EEF2KMT: variants seen among roughly 807,000 people sequenced by gnomAD.
EEF2KMT encodes eukaryotic elongation factor 2 lysine methyltransferase, also known as protein-lysine N-methyltransferase EEF2KMT.
EEF2KMT carries 30 observed loss-of-function variants against 35.1 expected under a neutral mutation model. The ratio of observed to expected loss-of-function variants is 0.85; its 90% CI spans 0.64 to 1.16. The LOEUF is 1.16. Among genes scored for constraint, EEF2KMT ranks in the 50% most tolerant of loss-of-function variants. The pLI is 0.00. For missense variants in EEF2KMT, 499 were observed against 438.2 expected (o/e 1.14, Z -1.24); for synonymous variants, 190 against 187.7 (o/e 1.01, Z -0.10).
chr16:5,089,311 G>A, intron 6 of EEF2KMT, 55 bp from the exon 7 acceptor site: 1 of 1,594,566 alleles, frequency 6.3e-7, no homozygotes, highest in Admixed American at 1.7e-5. Context: ...TCCAGGTCAT[G>A]CTGACGTCAG....
chr16:5,085,558 C>T lies in EEF2KMT; in HGVS notation c.*74G>A, dbSNP rs565122912. On this transcript the variant is annotated 3_prime_UTR_variant, in exon 8 of 8. Coordinates refer to ENST00000427587, the MANE Select transcript of EEF2KMT (RefSeq NM_201400.4). The stretch of plus-strand genomic sequence containing the variant: ...ATTCCAGTCCAATGAAAGTTTTATC[C>T]GCTTTCCCATATAAAAATTCTTCCC... 3.6e-5 allele frequency: 40 copies of T among 1,123,052 alleles called. No individual in the cohort carries two copies. The highest frequency in any genetic ancestry group is 2.8e-4 in the East Asian group (12 of 42,434). 69.6% of individuals were successfully genotyped at this position (1,123,052 alleles called of 1,614,324 possible).
chr16:5,085,861 G>C, intron 7 of EEF2KMT, 129 bp from the exon 8 acceptor site: 1 of 762,588 alleles, frequency 1.3e-6, no homozygotes, highest in Non-Finnish European at 2.4e-6. Context: ...TGGTTCACAG[G>C]TTCCCAGGCC....
chr16:5,084,758 C>G lies in EEF2KMT; in HGVS notation c.*874G>C, dbSNP rs1957089844. 1 of 1,596,452 alleles carries G rather than the reference C, an allele frequency of 6.3e-7. No individual in the cohort carries two copies. Among genetic ancestry groups the G allele is most frequent in the Non-Finnish European group, 8.5e-7 (1 of 1,179,780 alleles). On this transcript the variant is annotated 3_prime_UTR_variant, in exon 8 of 8. Coordinates refer to ENST00000427587, the MANE Select transcript of EEF2KMT (RefSeq NM_201400.4). ...TCTTTATTTTTTTGCAGATGCTTTTCTCAAACTTTCCTGATCCTGCGGGCA... is the reference window on the plus strand; with the variant it reads ...TCTTTATTTTTTTGCAGATGCTTTTGTCAAACTTTCCTGATCCTGCGGGCA...
chr16:5,093,014 G>T (rs1212590820), intron 3 of EEF2KMT, among the ~76,000 whole-genome samples: 1 of 152,226 alleles, frequency 6.6e-6, no homozygotes, highest in Non-Finnish European at 1.5e-5. Flanking sequence ...AGTCAGGAAA[G>T]AGCTCATTCC....
chr16:5,085,120 G>T lies in EEF2KMT; in HGVS notation c.*512C>A. On this transcript the variant is annotated 3_prime_UTR_variant, in exon 8 of 8. Coordinates refer to ENST00000427587, the MANE Select transcript of EEF2KMT (RefSeq NM_201400.4). ...TCTTCTTCTGTTCTTCACGCCCCAT[G>T]CCCCTGCTAGCGTATTACTGTTCTG... 2 of 689,624 alleles carry T rather than the reference G, an allele frequency of 2.9e-6. No homozygotes were observed. Among genetic ancestry groups the T allele is most frequent in the Non-Finnish European group, 4.8e-6 (2 of 416,338 alleles). 42.7% of individuals were successfully genotyped at this position (689,624 alleles called of 1,614,324 possible).
rs760548419 is a variant in EEF2KMT at position 5,095,469 on chromosome 16, G to A, written c.142C>T (p.Arg48Trp). The change falls in exon 2 of 8, where the codon CGG becomes TGG. Residue 48 changes from arginine to tryptophan, a missense_variant. Physicochemically the swap from Arg to Trp is moderately radical, Grantham distance 101. Coordinates refer to ENST00000427587, the MANE Select transcript of EEF2KMT (RefSeq NM_201400.4). Reference sequence around the variant, plus strand: ...ATTCTTACCTTGTGCAAAATATCCCGCAGCAGCTCAGAATCTGATGAGTCT... The same window carrying A: ...ATTCTTACCTTGTGCAAAATATCCCACAGCAGCTCAGAATCTGATGAGTCT... ...LRDSSDSELLRDILHKTVKHP... is the reference protein window; with the variant it reads ...LRDSSDSELLWDILHKTVKHP... The A allele has an allele frequency of 4.3e-6, 7 of 1,611,724 alleles. No homozygotes were observed. Among genetic ancestry groups the A allele is most frequent in the South Asian group, 1.1e-5 (1 of 90,990 alleles).
At chr16:5,088,987 C>G (rs1343815116) in intron 7 of EEF2KMT, 120 bp downstream of exon 7, 1 of 1,592,126 alleles carries the variant, frequency 6.3e-7, no homozygotes, top group African/African-American at 1.3e-5. Flanking sequence ...GAGTTCCCCC[C>G]ATGGTGTGGG....
chr16:5,093,176 G>A (rs1316585482), intron 3 of EEF2KMT, among the ~76,000 whole-genome samples: 1 of 152,250 alleles, frequency 6.6e-6, no homozygotes, highest in Non-Finnish European at 1.5e-5. Context: ...GGGTGCGGGT[G>A]AGGGTTCCAG....
chr16:5,091,939 CTG>C, intron 3 of EEF2KMT, 44 bp from the exon 4 acceptor site: 2 of 1,609,262 alleles, frequency 1.2e-6, no homozygotes, highest in Non-Finnish European at 8.5e-7. Flanking sequence ...TCGTTCTAAT[CTG>C]TAAAAATGGC....
intron 1 of EEF2KMT, among the ~76,000 whole-genome samples, chr16:5,096,832 A>G (rs572970395): frequency 6.6e-6 from 1 of 152,252 alleles, no homozygotes; most frequent in Non-Finnish European, 1.5e-5. Context: ...ATGGAGACCT[A>G]TGATGCTTTT....
chr16:5,084,706 G>A lies in EEF2KMT; in HGVS notation c.*926C>T, dbSNP rs1336201073. ...GCCAGGTGGTGACCTGGGATGGGGT[G>A]GGGACAGGCAATGAGGTAAGCTCTG... On this transcript the variant is annotated 3_prime_UTR_variant, in exon 8 of 8. Transcript: ENST00000427587. The A allele has an allele frequency of 6.3e-7, 1 of 1,596,318 alleles. No individual in the cohort carries two copies. Among genetic ancestry groups the A allele is most frequent in the Admixed American group, 1.7e-5 (1 of 59,992 alleles).
chr16:5,084,531 G>C lies in EEF2KMT; in HGVS notation c.*1101C>G. 1.3e-6 allele frequency: 1 copy of C among 740,820 alleles called. No individual in the cohort carries two copies. Among genetic ancestry groups the C allele is most frequent in the Non-Finnish European group, 2.2e-6 (1 of 446,532 alleles). 45.9% of individuals were successfully genotyped at this position (740,820 alleles called of 1,614,324 possible). On this transcript the variant is annotated 3_prime_UTR_variant, in exon 8 of 8. Coordinates refer to ENST00000427587, the MANE Select transcript of EEF2KMT (RefSeq NM_201400.4). ...GCCGGGAGGTGCTCCAGGGCACCAA[G>C]TGTGGGAAAGTGGGACATGCGGGGA...
At chr16:5,095,074 G>A (rs1324649441) in intron 2 of EEF2KMT, among the ~76,000 whole-genome samples, 1 of 152,184 alleles carries the variant, frequency 6.6e-6, no homozygotes, top group Admixed American at 6.5e-5. Context: ...TTTAGGTCTA[G>A]AGGAGACAGG....
At chr16:5,096,942 T>C (rs1957481691) in intron 1 of EEF2KMT, among the ~76,000 whole-genome samples, 1 of 152,210 alleles carries the variant, frequency 6.6e-6, no homozygotes, top group African/African-American at 2.4e-5. Flanking sequence ...ACGCAAATGA[T>C]TAAGCAACAC....
At position 5,084,504 on chromosome 16, in the gene EEF2KMT, A is replaced by G. The variant is rs1327859221; in HGVS notation, c.*1128T>C. ...TCACAGGGGAATGGGCAGCACGTAG[A>G]GGCCGGGAGGTGCTCCAGGGCACCA... is the stretch of plus-strand genomic sequence containing the variant. On this transcript the variant is annotated 3_prime_UTR_variant, in exon 8 of 8. Coordinates refer to ENST00000427587, the MANE Select transcript of EEF2KMT (RefSeq NM_201400.4). 4.7e-6 allele frequency: 3 copies of G among 643,542 alleles called. No individual in the cohort carries two copies. In the East Asian group the frequency reaches 8.4e-5, roughly 18 times the overall value. The allele number at this position is 643,542 out of a possible 1,614,324, so 39.9% of individuals were successfully genotyped here.
At position 5,085,339 on chromosome 16, in the gene EEF2KMT, T is replaced by C. The variant is rs1957117534; in HGVS notation, c.*293A>G. The C allele has an allele frequency of 2.0e-6, 1 of 504,890 alleles. No homozygotes were observed. The highest frequency in any genetic ancestry group is 1.9e-5 in the African/African-American group (1 of 51,652). The allele number at this position is 504,890 out of a possible 1,614,324, so 31.3% of individuals were successfully genotyped here. On this transcript the variant is annotated 3_prime_UTR_variant, in exon 8 of 8. Coordinates refer to ENST00000427587, the MANE Select transcript of EEF2KMT (RefSeq NM_201400.4). ...GTGTGTCCACGTTGGGGGAACATCA[T>C]ACTTGATACACACGTTTTTATTTGC... is the stretch of plus-strand genomic sequence containing the variant.
intron 3 of EEF2KMT, among the ~76,000 whole-genome samples, chr16:5,092,614 G>A (rs1241954812): frequency 6.6e-6 from 1 of 152,202 alleles, no homozygotes; most frequent in Non-Finnish European, 1.5e-5. Flanking sequence ...ACTGCCTACT[G>A]AGGAGGCCTC....
At chr16:5,093,371 C>T in intron 3 of EEF2KMT, 113 bp downstream of exon 3, 3 of 1,539,438 alleles carry the variant, frequency 1.9e-6, no homozygotes, top group Non-Finnish European at 2.7e-6. Flanking sequence ...CCTGGGGAGG[C>T]CCCTGCCATG....
intron 7 of EEF2KMT, among the ~76,000 whole-genome samples, chr16:5,088,332 C>T (rs966629965): frequency 1.3e-5 from 2 of 152,182 alleles, no homozygotes; most frequent in African/African-American, 2.4e-5. Context: ...AGTTAACGGG[C>T]TGCCCCACGT....
Sources: allele counts gnomAD v4.1 joint callset (sites outside exome capture counted in the v4.1 genomes callset), GRCh38; gene constraint gnomAD v4.1.1; transcripts MANE v1.5; gene names NCBI Gene and HGNC (gene_info 2026-07-23, HGNC 2026-07-21).